The following TOX4 variants were observed in gnomAD, a reference collection of about 807,000 sequenced individuals.
TOX4 encodes the protein epidermal Langerhans cell protein LCP1.
Under a neutral mutation model 61.0 loss-of-function variants are expected in TOX4, and 12 were observed. The ratio of observed to expected loss-of-function variants is 0.20; its 90% CI spans 0.13 to 0.32. TOX4 has a LOEUF of 0.32. Among genes scored for constraint, TOX4 ranks in the 10% least tolerant of loss-of-function variants. The pLI is 1.00. For synonymous variants in TOX4, 268 were observed against 274.8 expected (o/e 0.98, Z 0.24); for missense variants, 499 against 753.3 (o/e 0.66, Z 3.95).
chr14:21,496,484 A>G, intron 8 of TOX4, 62 bp from the exon 9 acceptor site: 1 of 1,480,006 alleles, frequency 6.8e-7, no homozygotes, highest in Non-Finnish European at 9.4e-7. Flanking sequence ...AAATGTATCT[A>G]GGCTGTAATT....
intron 5 of TOX4, among the ~76,000 whole-genome samples, chr14:21,491,458 C>G (rs1235279878): frequency 6.6e-6 from 1 of 152,038 alleles, no homozygotes; most frequent in East Asian, 2.0e-4. Flanking sequence ...CTCCCAGGTT[C>G]ACGCCATTCT....
intron 7 of TOX4, 98 bp downstream of exon 7, chr14:21,493,355 C>G: frequency 7.3e-7 from 1 of 1,369,644 alleles, no homozygotes; most frequent in Non-Finnish European, 9.8e-7. Context: ...CATTTAATGC[C>G]CAGCAACCAG....
At position 21,497,633 on chromosome 14, in the gene TOX4, T is replaced by C. The variant is rs1206227478; in HGVS notation, c.*1027T>C. 6.6e-6 allele frequency: 1 copy of C among 150,564 alleles called. No homozygotes were observed. The highest frequency in any genetic ancestry group is 1.5e-5 in the Non-Finnish European group (1 of 67,828). The allele number at this position is 150,564 out of a possible 1,614,324, so 9.3% of individuals were successfully genotyped here. On this transcript the variant is annotated 3_prime_UTR_variant, in exon 9 of 9. Transcript: ENST00000448790. ...ACCTCTGCCTCCCGGGTTCAAGCGA[T>C]TCTCCTGCATCAGCCTCCCGAGTAG...
At chr14:21,487,411 C>T in intron 2 of TOX4, 40 bp from the exon 3 acceptor site, 1 of 1,601,222 alleles carries the variant, frequency 6.2e-7, no homozygotes, top group East Asian at 2.2e-5. Flanking sequence ...GCCATTTCTC[C>T]TCTTTTCACT....
At chr14:21,491,653 G>A (rs1178256258) in intron 5 of TOX4, among the ~76,000 whole-genome samples, 1 of 149,854 alleles carries the variant, frequency 6.7e-6, no homozygotes, top group Non-Finnish European at 1.5e-5. Flanking sequence ...GTGAGCCACC[G>A]CACCTGGCAG....
intron 5 of TOX4, among the ~76,000 whole-genome samples, chr14:21,490,311 C>T (rs1457098298): frequency 6.6e-6 from 1 of 152,022 alleles, no homozygotes; most frequent in Non-Finnish European, 1.5e-5. Context: ...CCCGACTCTA[C>T]TAAAAATACA....
At position 21,495,324 on chromosome 14, in the gene TOX4, C is replaced by A. The variant is rs958224130; in HGVS notation, c.1737C>A (p.Asn579Lys). ...GATGTGTGAGGTCTGGTTGTGAGAA[C>A]CCTCCCATTGTGAGTAAGGACTGGG... is the stretch of plus-strand genomic sequence containing the variant. ...QPRCVRSGCE[N>K]PPIVSKDWDN... Residue 579 changes from asparagine to lysine, a missense_variant, in exon 8 of 9, where the codon AAC (asparagine) becomes AAA (lysine). Coordinates refer to ENST00000448790, the MANE Select transcript of TOX4 (RefSeq NM_014828.4). 2.5e-6 allele frequency: 4 copies of A among 1,614,048 alleles called. No individual in the cohort carries two copies. Among genetic ancestry groups the A allele is most frequent in the Non-Finnish European group, 3.4e-6 (4 of 1,180,040 alleles).
At chr14:21,484,329 CTTTTTTTTTTTTTTTTT>C (rs533570141) in intron 2 of TOX4, among the ~76,000 whole-genome samples, 24 of 44,234 alleles carry the variant, frequency 5.4e-4, no homozygotes, top group South Asian at 2.4e-3. Context: ...CTAGCAATGT[CTTTTTTTTTTTTTTTTT>C]TTTTTTTTTT....
chr14:21,484,273 G>A (rs1176404069), intron 2 of TOX4, among the ~76,000 whole-genome samples: 2 of 147,598 alleles, frequency 1.4e-5, no homozygotes, highest in Non-Finnish European at 3.0e-5. Context: ...GCATTTCACA[G>A]GCACACTTTT....
Position 21,496,641 on chromosome 14 carries a change from T to C in TOX4, c.*35T>C, listed in dbSNP as rs1388240942. The stretch of plus-strand genomic sequence containing the variant: ...TTCTCCAAGCCAGTGAAGAGTTATC[T>C]GCTGGGAAAGTGTCCAAGAGCCTGT... On this transcript the variant is annotated 3_prime_UTR_variant, in exon 9 of 9. Coordinates refer to ENST00000448790, the MANE Select transcript of TOX4 (RefSeq NM_014828.4). The C allele has an allele frequency of 5.0e-6, 8 of 1,592,070 alleles. No homozygotes were observed. Among genetic ancestry groups the C allele is most frequent in the Non-Finnish European group, 6.0e-6 (7 of 1,162,440 alleles).
In TOX4 at chr14:21,498,964, T is replaced by C. The variant is rs1041023085; in HGVS notation, c.*2358T>C. 5 of 1,159,998 alleles carry C rather than the reference T, an allele frequency of 4.3e-6. No individual in the cohort carries two copies. The highest frequency in any genetic ancestry group is 6.5e-6 in the Non-Finnish European group (5 of 768,658). The allele number at this position is 1,159,998 out of a possible 1,614,324, so 71.9% of individuals were successfully genotyped here. A position where few individuals can be genotyped will look rare whatever the true frequency, so the allele number is the denominator to read the frequency against. The stretch of plus-strand genomic sequence containing the variant: ...TAAAACAATGTGAAGCTCTACTAAG[T>C]TCTGTCCTTAATCATAAATAATAGC... On this transcript the variant is annotated 3_prime_UTR_variant, in exon 9 of 9. Coordinates refer to ENST00000448790, the MANE Select transcript of TOX4 (RefSeq NM_014828.4).
At chr14:21,488,385 T>C (rs1642964073) in intron 3 of TOX4, 3 of 577,998 alleles carry the variant, frequency 5.2e-6, no homozygotes, top group Non-Finnish European at 8.9e-6. Context: ...GTTCTTCTTT[T>C]GAGTGCAAAG....
chr14:21,483,687 AAC>A (rs1891146215), intron 2 of TOX4, among the ~76,000 whole-genome samples: 1 of 152,102 alleles, frequency 6.6e-6, no homozygotes, highest in Non-Finnish European at 1.5e-5. Context: ...AATTAAAAAA[AAC>A]AACAACAAAA....
intron 5 of TOX4, chr14:21,492,021 T>A (rs72684777): frequency 0.025 from 6,007 of 243,890 alleles, 108 homozygotes; most frequent in Non-Finnish European, 0.034. Context: ...AAAAAAAATT[T>A]AAAAAAAATA....
chr14:21,492,653 C>G lies in TOX4; in HGVS notation c.1037C>G (p.Thr346Ser), dbSNP rs757704046. The change falls in exon 7 of 9, where the codon ACC becomes AGC. Residue 346 changes from threonine (T) to serine (S), a missense_variant. Coordinates refer to ENST00000448790, the MANE Select transcript of TOX4 (RefSeq NM_014828.4). Reference protein sequence around the residue: ...ALSPSIVVNSTLSSYVANQAS... With the variant: ...ALSPSIVVNSSLSSYVANQAS... ...TCCCCATCCATTGTTGTTAACTCCACCCTTTCATCCTATGTGGCAAACCAG... is the reference window on the plus strand; with the variant it reads ...TCCCCATCCATTGTTGTTAACTCCAGCCTTTCATCCTATGTGGCAAACCAG... 1.2e-6 allele frequency: 2 copies of G among 1,613,860 alleles called. No homozygotes were observed. The highest frequency in any genetic ancestry group is 4.5e-5 in the East Asian group (2 of 44,874).
At chr14:21,495,964 T>A (rs1471024887) in intron 8 of TOX4, 1 of 153,306 alleles carries the variant, frequency 6.5e-6, no homozygotes, top group African/African-American at 2.4e-5. Context: ...CTCACCATAA[T>A]GCTGTAGGAA....
rs2139629516 is a variant in TOX4, at chr14:21,492,556, CCTT to C, written c.943_945del (p.Ser315del). Reference sequence around the variant, plus strand: ...GGATCCAGCACCACCATCACAAACTCCTTCTCCACCTCCTATGGCTACTGTTGA... The same window carrying C: ...GGATCCAGCACCACCATCACAAACTCCTCCACCTCCTATGGCTACTGTTGA... On this transcript the variant is annotated inframe_deletion, in exon 7 of 9. Transcript: ENST00000448790. The C allele has an allele frequency of 1.9e-6, 3 of 1,613,982 alleles. No homozygotes were observed. Among genetic ancestry groups the C allele is most frequent in the Middle Eastern group, 1.6e-4 (1 of 6,062 alleles).
At position 21,493,105 on chromosome 14, in the gene TOX4, C is replaced by T; in HGVS notation, c.1489C>T (p.Pro497Ser). 1 of 1,614,140 alleles carries T rather than the reference C, an allele frequency of 6.2e-7. No homozygotes were observed. Among genetic ancestry groups the T allele is most frequent in the Non-Finnish European group, 8.5e-7 (1 of 1,180,020 alleles). ...QPPPLQIKSV[P>S]LPTLKMQTTL... ...TCCTCCTCTGCAGATCAAGAGTGTG[C>T]CTCTACCCACTTTGAAAATGCAGAC... is the stretch of plus-strand genomic sequence containing the variant. Residue 497 changes from proline (P) to serine (S), a missense_variant, in exon 7 of 9, where the codon CCT becomes TCT. Pro to Ser is a moderately conservative substitution (Grantham distance 74). Around this residue, in one of 7 missense-constraint regions of TOX4, gnomAD observed 296 missense variants for 404.7 expected, o/e 0.73. Transcript: ENST00000448790.
Position 21,477,546 on chromosome 14 carries a change from C to T in TOX4, c.57C>T (p.Pro19=). 1 of 1,613,808 alleles carries T rather than the reference C, an allele frequency of 6.2e-7. No individual in the cohort carries two copies. ...TGACGATCACAGGGCCTTCGCACCC[C>T]TTCCTGTCAGGGGCCGAGGTGAGCC... ...NYLTITGPSH[P]FLSGAETFHT... The change falls in exon 2 of 9, where the codon CCC becomes CCT. Residue 19 remains proline, a synonymous_variant. Transcript: ENST00000448790.
Sources: allele counts gnomAD v4.1 joint callset (sites outside exome capture counted in the v4.1 genomes callset), GRCh38; gene constraint gnomAD v4.1.1; regional missense constraint gnomAD v4.1.1; transcripts MANE v1.5; gene names NCBI Gene and HGNC (gene_info 2026-07-23, HGNC 2026-07-21).